Variants in PDZD2 observed in about 807,000 individuals in gnomAD.
PDZD2 encodes the protein PDZ domain containing 2.
In PDZD2, 90 loss-of-function variants were observed where a neutral mutation model predicts 220.7. The ratio of observed to expected loss-of-function variants is 0.41; its 90% CI spans 0.34 to 0.49. The LOEUF is 0.49. Among genes scored for constraint, PDZD2 ranks in the 20% least tolerant of loss-of-function variants. The pLI is 0.28. For synonymous variants in PDZD2, 1,375 were observed against 1,450.5 expected (o/e 0.95, Z 1.18); for missense variants, 3,174 against 3,608.5 (o/e 0.88, Z 3.08).
intron 1 of PDZD2, among the ~76,000 whole-genome samples, chr5:31,649,127 T>A (rs919048043): frequency 1.3e-5 from 2 of 151,750 alleles, no homozygotes; most frequent in Non-Finnish European, 2.9e-5. Context: ...GTCCACCCGC[T>A]TTGGCCTCCC....
intron 1 of PDZD2, among the ~76,000 whole-genome samples, chr5:31,705,416 C>T (rs765855624): frequency 6.6e-6 from 1 of 151,984 alleles, no homozygotes; most frequent in African/African-American, 2.4e-5. Context: ...TTAAAGACTC[C>T]TAGAAAGAGA....
intron 2 of PDZD2, among the ~76,000 whole-genome samples, chr5:31,864,839 CTTTTTTTTTTTTT>C (rs70955752): frequency 5.6e-5 from 4 of 70,932 alleles, no homozygotes; most frequent in African/African-American, 1.2e-4. Context: ...TGAGATTTGT[CTTTTTTTTTTTTT>C]TTTTTTTTTT....
chr5:31,818,499 T>C (rs994611271), intron 2 of PDZD2, among the ~76,000 whole-genome samples: 1 of 152,098 alleles, frequency 6.6e-6, no homozygotes, highest in Admixed American at 6.5e-5. Flanking sequence ...TAGTTTCTCC[T>C]CTCTTGTTCT....
In PDZD2 at chr5:31,759,495, G is replaced by A. The variant is rs1411317568; in HGVS notation, c.-360-39394G>A. 5.3e-5 allele frequency among the ~76,000 whole-genome samples: 8 copies of A among 151,698 alleles called. No individual in the cohort carries two copies. The South Asian group carries it at 1.7e-3, about 32-fold the overall frequency. On this transcript the variant is annotated intron_variant, in intron 1 of 24. Coordinates refer to ENST00000438447, the MANE Select transcript of PDZD2 (RefSeq NM_178140.4). ...GGTGGGAATGGTTTGGGAAAACACA[G>A]ATACACATACCCAAAACCTCCTTGC...
At chr5:32,052,386 C>T in intron 8 of PDZD2, 1 of 416,426 alleles carries the variant, frequency 2.4e-6, no homozygotes, top group Non-Finnish European at 4.4e-6. Context: ...CCTCAGGTGA[C>T]CCACCTGCCT....
chr5:31,955,109 C>T (rs185295828), intron 2 of PDZD2, among the ~76,000 whole-genome samples: 30 of 152,188 alleles, frequency 2.0e-4, no homozygotes, highest in Admixed American at 9.2e-4. Flanking sequence ...ACCAAGGAGC[C>T]GAGAATGGTA....
At chr5:31,895,992 A>G (rs1741514179) in intron 2 of PDZD2, among the ~76,000 whole-genome samples, 1 of 152,010 alleles carries the variant, frequency 6.6e-6, no homozygotes, top group Admixed American at 6.6e-5. Flanking sequence ...TGCAATAGCG[A>G]TTTGTTCCAC....
chr5:31,888,170 CTCTTT>C (rs1399856771), intron 2 of PDZD2, among the ~76,000 whole-genome samples: 5 of 151,500 alleles, frequency 3.3e-5, no homozygotes, highest in Admixed American at 2.6e-4. Flanking sequence ...CTCTTCTTTC[CTCTTT>C]TCTTCTCTTC....
intron 2 of PDZD2, among the ~76,000 whole-genome samples, chr5:31,935,524 G>T (rs1745649018): frequency 6.6e-6 from 1 of 152,186 alleles, no homozygotes; most frequent in South Asian, 2.1e-4. Context: ...TGGAAGCTTA[G>T]TCGGAGTAGA....
chr5:31,850,243 T>TATATACACACACAC (rs577432352), intron 2 of PDZD2, among the ~76,000 whole-genome samples: 7 of 122,232 alleles, frequency 5.7e-5, no homozygotes, highest in African/African-American at 2.1e-4. Flanking sequence ...TATATATATA[T>TATATACACACACAC]ACACACACAC....
intron 2 of PDZD2, among the ~76,000 whole-genome samples, chr5:31,868,060 A>C (rs1427291604): frequency 6.6e-6 from 1 of 152,170 alleles, no homozygotes; most frequent in Admixed American, 6.6e-5. Flanking sequence ...GGGCCTTGAC[A>C]TACCCTGTGT....
chr5:31,756,272 G>A (rs986863299), intron 1 of PDZD2, among the ~76,000 whole-genome samples: 21 of 152,152 alleles, frequency 1.4e-4, no homozygotes, highest in South Asian at 4.1e-4. Flanking sequence ...CTTAGAAAAC[G>A]TCAGACTTTT....
At chr5:32,054,692 T>C (rs1738939272) in intron 10 of PDZD2, among the ~76,000 whole-genome samples, 1 of 152,196 alleles carries the variant, frequency 6.6e-6, no homozygotes, top group South Asian at 2.1e-4. Flanking sequence ...ACTAGACAAG[T>C]GCTTCTGAAT....
chr5:31,881,736 G>T (rs531186954), intron 2 of PDZD2, among the ~76,000 whole-genome samples: 1 of 148,946 alleles, frequency 6.7e-6, no homozygotes, highest in East Asian at 2.0e-4. Context: ...TTTTTTTTGA[G>T]ATGGTGTCTC....
At chr5:31,706,030 C>A (rs571804874) in intron 1 of PDZD2, among the ~76,000 whole-genome samples, 1 of 151,616 alleles carries the variant, frequency 6.6e-6, no homozygotes, top group African/African-American at 2.4e-5. Flanking sequence ...TCAGCCTGGG[C>A]CACAGAGCGA....
intron 20 of PDZD2, among the ~76,000 whole-genome samples, chr5:32,091,474 G>A (rs919265150): frequency 7.9e-5 from 12 of 151,300 alleles, no homozygotes; most frequent in African/African-American, 1.5e-4. Context: ...TAATAGAGAC[G>A]GGGTTTCACC....
At chr5:31,689,349 A>ATT (rs1215483289) in intron 1 of PDZD2, among the ~76,000 whole-genome samples, 3 of 27,826 alleles carry the variant, frequency 1.1e-4, no homozygotes, top group African/African-American at 5.0e-4. Flanking sequence ...ATATATATAT[A>ATT]TATATTTTTT....
intron 2 of PDZD2, among the ~76,000 whole-genome samples, chr5:31,892,568 T>C (rs1310661231): frequency 6.6e-6 from 1 of 152,090 alleles, no homozygotes; most frequent in Non-Finnish European, 1.5e-5. Flanking sequence ...GCCTAGTTTC[T>C]TTTGTGGCGG....
At chr5:31,935,038 A>G (rs1416034026) in intron 2 of PDZD2, among the ~76,000 whole-genome samples, 1 of 151,572 alleles carries the variant, frequency 6.6e-6, no homozygotes, top group Non-Finnish European at 1.5e-5. Context: ...CAGTGGGCCG[A>G]GATTACTCCA....
Sources: allele counts gnomAD v4.1 joint callset (sites outside exome capture counted in the v4.1 genomes callset), GRCh38; gene constraint gnomAD v4.1.1; transcripts MANE v1.5; gene names NCBI Gene and HGNC (gene_info 2026-07-23, HGNC 2026-07-21).